Variants in SH2B2 observed in about 807,000 individuals in gnomAD.
SH2B2 encodes SH2B adaptor protein 2.
Under a neutral mutation model 35.7 loss-of-function variants are expected in SH2B2, and 37 were observed. The ratio of observed to expected loss-of-function variants is 1.04; its 90% CI spans 0.80 to 1.36. The LOEUF is 1.36. SH2B2 is among the 40% of genes most tolerant of loss of function. SH2B2 has a pLI of 0.00. For synonymous variants in SH2B2, 383 were observed against 376.4 expected, an observed-to-expected ratio of 1.02 and a Z score of -0.20; for missense variants, 852 against 817.7, an observed-to-expected ratio of 1.04 and a Z score of -0.51.
chr7:102,321,612 C>A lies in SH2B2; in HGVS notation c.1881C>A (p.Asn627Lys). 1 of 1,158,792 alleles carries A rather than the reference C, an allele frequency of 8.6e-7. No homozygotes were observed. Among genetic ancestry groups the A allele is most frequent in the Admixed American group, 4.8e-5 (1 of 20,960 alleles). The allele number at this position is 1,158,792 out of a possible 1,614,324, so 71.8% of individuals were successfully genotyped here. The change falls in exon 9 of 9, where the codon AAC becomes AAA. Residue 627 changes from asparagine (N) to lysine (K), a missense_variant. Coordinates refer to ENST00000444095, the MANE Select transcript of SH2B2 (RefSeq NM_001359228.2). ...AAPGRARAVE[N>K]QYSFY ...CCGGCCGCGCGCGCGCCGTGGAGAA[C>A]CAGTACTCCTTCTACTAGCCCGCGG...
At chr7:102,306,332 GC>G (rs3830669) in intron 2 of SH2B2, among the ~76,000 whole-genome samples, 36,167 of 151,994 alleles carry the variant, frequency 0.24, 5,069 homozygotes, top group East Asian at 0.34. Flanking sequence ...CAGGTGATCC[GC>G]CCGCCTCGGC....
At chr7:102,316,869 A>G (rs542102728) in intron 6 of SH2B2, among the ~76,000 whole-genome samples, 1 of 151,924 alleles carries the variant, frequency 6.6e-6, no homozygotes, top group African/African-American at 2.4e-5. Context: ...AAATACAAAA[A>G]TTAGTTGGGT....
chr7:102,320,514 C>T lies in SH2B2; in HGVS notation c.1567+12C>T. The T allele has an allele frequency of 6.2e-7, 1 of 1,608,462 alleles. No homozygotes were observed. The highest frequency in any genetic ancestry group is 8.5e-7 in the Non-Finnish European group (1 of 1,178,402). On this transcript the variant is annotated intron_variant, in intron 8 of 8. Coordinates refer to ENST00000444095, the MANE Select transcript of SH2B2 (RefSeq NM_001359228.2). Reference sequence around the variant, plus strand: ...GGACCCCCCACCAGGTAAGATGCCGCCACCTGGCTGGTGTGATTACTCAAG... The same window carrying T: ...GGACCCCCCACCAGGTAAGATGCCGTCACCTGGCTGGTGTGATTACTCAAG...
intron 4 of SH2B2, among the ~76,000 whole-genome samples, chr7:102,312,568 C>G (rs1285868066): frequency 6.6e-6 from 1 of 152,222 alleles, no homozygotes; most frequent in Non-Finnish European, 1.5e-5. Context: ...GGGTGTGGGA[C>G]AGAACCCTAT....
At chr7:102,317,047 C>G (rs1793859675) in intron 6 of SH2B2, 140 bp from the exon 7 acceptor site, 1 of 749,332 alleles carries the variant, frequency 1.3e-6, no homozygotes, top group African/African-American at 1.8e-5. Context: ...AACTAAAAAC[C>G]AACCAACTTT....
Position 102,300,945 on chromosome 7 carries a change from G to T in SH2B2, c.395G>T (p.Arg132Leu), listed in dbSNP as rs781974412. The change falls in exon 2 of 9, where the codon CGC becomes CTC. Residue 132 changes from arginine (R) to leucine (L), a missense_variant. Arg to Leu is a moderately radical substitution (Grantham distance 102). Coordinates refer to ENST00000444095, the MANE Select transcript of SH2B2 (RefSeq NM_001359228.2). The stretch of plus-strand genomic sequence containing the variant: ...CACGCGGCCACCAAGGCCCGCGTTC[G>T]CAAGGGCTTCTCGCTGCGCAACATG... ...STHAATKARVRKGFSLRNMSL... is the reference protein window; with the variant it reads ...STHAATKARVLKGFSLRNMSL... The T allele has an allele frequency of 4.0e-6, 6 of 1,488,184 alleles. No individual in the cohort carries two copies. Among genetic ancestry groups the T allele is most frequent in the South Asian group, 1.3e-5 (1 of 79,586 alleles). 92.2% of individuals were successfully genotyped at this position (1,488,184 alleles called of 1,614,324 possible).
chr7:102,303,217 CA>C (rs549676263), intron 2 of SH2B2, among the ~76,000 whole-genome samples: 2,124 of 133,128 alleles, frequency 0.016, 13 homozygotes, highest in Middle Eastern at 0.04. Flanking sequence ...AACTCTGTCT[CA>C]AAAAAAAAAA....
intron 2 of SH2B2, among the ~76,000 whole-genome samples, chr7:102,304,955 G>A (rs1793331644): frequency 6.6e-6 from 1 of 152,238 alleles, no homozygotes; most frequent in South Asian, 2.1e-4. Flanking sequence ...CAGCGCTGCT[G>A]GGAATCTCAC....
In SH2B2 at chr7:102,300,730, C is replaced by T. The variant is rs1475741115; in HGVS notation, c.180C>T (p.Ser60=). Residue 60 remains serine, a synonymous_variant, in exon 2 of 9, where the codon TCC becomes TCT. Transcript: ENST00000444095. ...ACGACACGCCCGACGCCGGCGCCTC[C>T]TTCTCCCGCCACTTCGCCGCCAACT... The part of the protein sequence containing the change: ...PAYDTPDAGA[S]FSRHFAANFL... 9.2e-6 allele frequency: 14 copies of T among 1,528,584 alleles called. No homozygotes were observed. The African/African-American group carries it at 1.8e-4, about 20-fold the overall frequency. 94.7% of individuals were successfully genotyped at this position (1,528,584 alleles called of 1,614,324 possible). A position where few individuals can be genotyped will look rare whatever the true frequency, so the allele number is the denominator to read the frequency against.
At chr7:102,299,406 C>T (rs1793060869) in intron 1 of SH2B2, among the ~76,000 whole-genome samples, 1 of 150,572 alleles carries the variant, frequency 6.6e-6, no homozygotes, top group South Asian at 2.1e-4. Context: ...ATCATGTTGG[C>T]TAGGATGGTC....
chr7:102,321,464 CG>C lies in SH2B2; in HGVS notation c.1737del (p.Ala581ProfsTer67), dbSNP rs1554558587. 3 of 1,211,252 alleles carry C rather than the reference CG, an allele frequency of 2.5e-6. No homozygotes were observed. The highest frequency in any genetic ancestry group is 2.9e-5 in the South Asian group (1 of 34,932). The allele number at this position is 1,211,252 out of a possible 1,614,324, so 75.0% of individuals were successfully genotyped here. A position where few individuals can be genotyped will look rare whatever the true frequency, so the allele number is the denominator to read the frequency against. ...TCCGCCTCGTCGTCCTCTGCCGCGT[CG>C]GGGCCCGCCCCCCCGCGCCCCGTCG... The part of the protein sequence containing the change: ...SSSASSSSAA[S>X]GPAPPRPVEG... On this transcript the variant is annotated frameshift_variant, in exon 9 of 9. Transcript: ENST00000444095. LOFTEE classifies it low-confidence loss of function (END_TRUNC).
chr7:102,310,804 CACTT>C (rs1375542029), intron 4 of SH2B2, among the ~76,000 whole-genome samples: 1 of 152,206 alleles, frequency 6.6e-6, no homozygotes, highest in African/African-American at 2.4e-5. Flanking sequence ...AGGTGAACCT[CACTT>C]AGTGGAATTT....
At chr7:102,292,545 A>G (rs1436494048) in intron 1 of SH2B2, among the ~76,000 whole-genome samples, 1 of 151,746 alleles carries the variant, frequency 6.6e-6, no homozygotes, top group Non-Finnish European at 1.5e-5. Flanking sequence ...AAAAAAAAAA[A>G]AAATTACCTG....
At chr7:102,288,295 G>C (rs1419102591) in intron 1 of SH2B2, among the ~76,000 whole-genome samples, 6 of 152,078 alleles carry the variant, frequency 3.9e-5, no homozygotes, top group Non-Finnish European at 8.8e-5. Context: ...TTCAGCTCCA[G>C]GAGCTTTGGG....
chr7:102,287,966 C>T (rs1792520566), intron 1 of SH2B2, among the ~76,000 whole-genome samples: 1 of 152,202 alleles, frequency 6.6e-6, no homozygotes, highest in South Asian at 2.1e-4. Context: ...AAGGGAGAGC[C>T]TCAGGCTAGG....
intron 4 of SH2B2, among the ~76,000 whole-genome samples, chr7:102,314,063 A>G (rs1793724101): frequency 6.6e-6 from 1 of 152,224 alleles, no homozygotes; most frequent in Non-Finnish European, 1.5e-5. Context: ...GGAGAAGGTC[A>G]GAGAAAAACT....
At chr7:102,288,587 T>C (rs1380457586) in intron 1 of SH2B2, among the ~76,000 whole-genome samples, 1 of 152,126 alleles carries the variant, frequency 6.6e-6, no homozygotes, top group Non-Finnish European at 1.5e-5. Flanking sequence ...GTGAATCTCC[T>C]AGGGAGGACT....
At chr7:102,296,800 C>A (rs1300666505) in intron 1 of SH2B2, among the ~76,000 whole-genome samples, 49 of 152,164 alleles carry the variant, frequency 3.2e-4, no homozygotes, top group Admixed American at 3.2e-3. Context: ...GAAGCAAGGT[C>A]TTCAATGTCC....
At chr7:102,296,459 C>T (rs905840978) in intron 1 of SH2B2, among the ~76,000 whole-genome samples, 6 of 152,174 alleles carry the variant, frequency 3.9e-5, no homozygotes, top group Admixed American at 6.5e-5. Flanking sequence ...ACAGGGACTC[C>T]CCAGGCACTA....
Sources: gnomAD v4.1 joint callset for allele counts (sites outside exome capture counted in the v4.1 genomes callset) on GRCh38, gnomAD v4.1.1 for gene constraint, MANE v1.5 for transcripts, NCBI Gene and HGNC (gene_info 2026-07-23, HGNC 2026-07-21) for gene names.